The following GRID1 variants were observed in gnomAD, a reference collection of about 807,000 sequenced individuals.
GRID1 encodes glutamate receptor ionotropic, delta-1.
GRID1 carries 28 observed loss-of-function variants against 98.0 expected under a neutral mutation model. That is an observed-to-expected ratio of 0.29 (90% CI 0.21 to 0.39). GRID1 has a LOEUF of 0.39. Among genes scored for constraint, GRID1 ranks in the 10% least tolerant of loss-of-function variants. GRID1 has a pLI of 1.00. For synonymous variants in GRID1, 553 were observed against 538.5 expected (o/e 1.03, Z -0.37); for missense variants, 1,111 against 1,340.5 (o/e 0.83, Z 2.67).
chr10:85,898,647 G>A (rs1208709400), intron 5 of GRID1, among the ~76,000 whole-genome samples: 1 of 151,826 alleles, frequency 6.6e-6, no homozygotes, highest in Non-Finnish European at 1.5e-5. Context: ...CCTACACAGG[G>A]TCAGGATCAA....
chr10:85,652,755 C>T (rs1840839660), intron 12 of GRID1, among the ~76,000 whole-genome samples: 1 of 152,148 alleles, frequency 6.6e-6, no homozygotes, highest in African/African-American at 2.4e-5. Flanking sequence ...GTTTCTTCCC[C>T]AGCGCCCCCC....
chr10:85,854,150 C>T (rs777880077), intron 8 of GRID1, among the ~76,000 whole-genome samples: 23 of 152,210 alleles, frequency 1.5e-4, no homozygotes, highest in Non-Finnish European at 3.4e-4. Context: ...ACAATTCACA[C>T]TTGTCCCTGT....
chr10:86,053,025 A>T (rs929203707), intron 4 of GRID1, among the ~76,000 whole-genome samples: 2 of 152,202 alleles, frequency 1.3e-5, no homozygotes, highest in Non-Finnish European at 2.9e-5. Context: ...TTAATTTAGT[A>T]AGTCATGGCC....
intron 15 of GRID1, among the ~76,000 whole-genome samples, chr10:85,609,946 T>A (rs1165035537): frequency 6.6e-6 from 1 of 152,182 alleles, no homozygotes; most frequent in Non-Finnish European, 1.5e-5. Context: ...TCTGATTCCT[T>A]AGAAAAAATA....
chr10:85,774,104 A>T (rs970477616), intron 8 of GRID1, among the ~76,000 whole-genome samples: 1 of 152,240 alleles, frequency 6.6e-6, no homozygotes. Context: ...CCAAAACAGC[A>T]TGGTACTGGT....
chr10:85,776,014 GA>G (rs901223256), intron 8 of GRID1, among the ~76,000 whole-genome samples: 163 of 147,810 alleles, frequency 1.1e-3, no homozygotes, highest in African/African-American at 3.7e-3. Context: ...ACTGAGATCA[GA>G]AAAAAAAAAC....
intron 2 of GRID1, among the ~76,000 whole-genome samples, chr10:86,332,350 A>G (rs1848156236): frequency 6.6e-6 from 1 of 152,088 alleles, no homozygotes; most frequent in Non-Finnish European, 1.5e-5. Flanking sequence ...CGGACCCCCT[A>G]GGATTCAGCG....
At chr10:85,739,063 A>G (rs1353091458) in intron 8 of GRID1, among the ~76,000 whole-genome samples, 1 of 152,148 alleles carries the variant, frequency 6.6e-6, no homozygotes, top group Non-Finnish European at 1.5e-5. Context: ...ATCTGAAATC[A>G]TTATGTATAA....
At chr10:86,062,669 C>T (rs1456617554) in intron 4 of GRID1, among the ~76,000 whole-genome samples, 1 of 152,210 alleles carries the variant, frequency 6.6e-6, no homozygotes, top group Non-Finnish European at 1.5e-5. Flanking sequence ...GCCATCGCCA[C>T]TATGCCAGTC....
intron 2 of GRID1, among the ~76,000 whole-genome samples, chr10:86,243,437 A>C (rs1846669533): frequency 6.6e-6 from 1 of 152,134 alleles, no homozygotes; most frequent in Non-Finnish European, 1.5e-5. Context: ...AAAGCCACTC[A>C]GCTGTCTGGG....
intron 2 of GRID1, among the ~76,000 whole-genome samples, chr10:86,330,848 C>T (rs1002197517): frequency 6.6e-6 from 1 of 152,210 alleles, no homozygotes; most frequent in African/African-American, 2.4e-5. Flanking sequence ...GTACAACTGC[C>T]CTGGCAGGTG....
chr10:85,778,119 A>C (rs898133619), intron 8 of GRID1, among the ~76,000 whole-genome samples: 1 of 152,164 alleles, frequency 6.6e-6, no homozygotes, highest in African/African-American at 2.4e-5. Context: ...CTAGAACTAC[A>C]TGGACGAGAA....
At chr10:86,251,590 A>T (rs1846833900) in intron 2 of GRID1, among the ~76,000 whole-genome samples, 1 of 152,012 alleles carries the variant, frequency 6.6e-6, no homozygotes, top group Non-Finnish European at 1.5e-5. Flanking sequence ...CCCTGACAGG[A>T]GTGGCCTGGG....
At chr10:86,149,370 G>A (rs1324512755) in intron 3 of GRID1, among the ~76,000 whole-genome samples, 1 of 152,194 alleles carries the variant, frequency 6.6e-6, no homozygotes, top group Non-Finnish European at 1.5e-5. Context: ...AAAGGGAATG[G>A]GTGGTCTGGA....
At chr10:86,276,286 T>C (rs757317835) in intron 2 of GRID1, among the ~76,000 whole-genome samples, 1 of 152,208 alleles carries the variant, frequency 6.6e-6, no homozygotes, top group Non-Finnish European at 1.5e-5. Context: ...ATCTTCCCTC[T>C]ATATATGTTT....
chr10:85,638,182 G>A (rs192047993), intron 13 of GRID1, among the ~76,000 whole-genome samples: 42 of 152,202 alleles, frequency 2.8e-4, no homozygotes, highest in Middle Eastern at 3.4e-3. Flanking sequence ...AAAAACAACA[G>A]TGAAAATCAG....
chr10:86,231,993 G>T (rs542030282), intron 2 of GRID1, among the ~76,000 whole-genome samples: 4 of 148,102 alleles, frequency 2.7e-5, no homozygotes, highest in African/African-American at 5.1e-5. Context: ...CCGTGTATCC[G>T]CATGGACATT....
chr10:86,080,530 A>C (rs1437883262), intron 4 of GRID1, among the ~76,000 whole-genome samples: 1 of 150,530 alleles, frequency 6.6e-6, no homozygotes, highest in African/African-American at 2.4e-5. Context: ...GAAGGAAGGA[A>C]GGAAAAAAGG....
In GRID1 at chr10:86,307,542, G is replaced by A. The variant is rs184962321; in HGVS notation, c.235+56399C>T. ...GGTGGTTGCCAGGAGCTGCTGTGGG[G>A]GGGAATGGGGAGATTTTGGCCAAAA... On this transcript the variant is annotated intron_variant, in intron 2 of 15. Transcript: ENST00000327946. 2.6e-5 allele frequency among the ~76,000 whole-genome samples: 4 copies of A among 152,242 alleles called. No individual in the cohort carries two copies. In the East Asian group the frequency reaches 7.7e-4, roughly 29 times the overall value.
Sources: gnomAD v4.1 joint callset for allele counts (sites outside exome capture counted in the v4.1 genomes callset) on GRCh38, gnomAD v4.1.1 for gene constraint, MANE v1.5 for transcripts, NCBI Gene and HGNC (gene_info 2026-07-23, HGNC 2026-07-21) for gene names.